AOPEP: variants seen among roughly 807,000 people sequenced by gnomAD.
AOPEP encodes the protein aminopeptidase O (putative).
In AOPEP, 77 loss-of-function variants were observed where a neutral mutation model predicts 98.1. The ratio of observed to expected loss-of-function variants is 0.78; its 90% confidence interval spans 0.65 to 0.95. The LOEUF is 0.95. Ranked by LOEUF, AOPEP falls within the 40% of genes least tolerant of loss-of-function variation. AOPEP has a pLI of 0.00. For synonymous variants in AOPEP, 346 were observed against 365.3 expected (o/e 0.95, Z 0.60); for missense variants, 1,024 against 1,024.7 (o/e 1.00, Z 0.01).
chr9:94,736,753 C>T (rs117648987), intron 1 of AOPEP, among the ~76,000 whole-genome samples: 22 of 150,502 alleles, frequency 1.5e-4, no homozygotes, highest in Admixed American at 2.6e-4. Flanking sequence ...GCCCACAGTG[C>T]GCAAAGCACT....
rs2062030050 is a variant in AOPEP, at chr9:95,006,477, T to C, written c.2115+861T>C. ...ATTTCTGTGCTATGTTGCCTTAGTA[T>C]GGGCATTGCAGCGTCCGAGAATGTG... On this transcript the variant is annotated intron_variant, in intron 13 of 16. Transcript: ENST00000375315. Among the ~76,000 whole-genome samples the C allele has an allele frequency of 2.6e-5, 4 of 152,182 alleles. No homozygotes were observed. In the South Asian group the frequency reaches 8.3e-4, roughly 31 times the overall value.
intron 13 of AOPEP, among the ~76,000 whole-genome samples, chr9:95,026,205 C>G (rs2133276658): frequency 6.6e-6 from 1 of 152,300 alleles, no homozygotes; most frequent in Non-Finnish European, 1.5e-5. Flanking sequence ...ATGTTTTTAA[C>G]AACTTTAAGG....
At chr9:94,872,749 T>G (rs1157070969) in intron 5 of AOPEP, among the ~76,000 whole-genome samples, 2 of 152,202 alleles carry the variant, frequency 1.3e-5, no homozygotes, top group African/African-American at 4.8e-5. Context: ...ATATTTCCTC[T>G]TCTCAAGTAG....
chr9:95,100,999 A>C, the AOPEP span: 1 of 233,486 alleles, frequency 4.3e-6, no homozygotes, highest in Non-Finnish European at 8.5e-6. Context: ...AACTGAATTA[A>C]TCCTGCCTTC....
chr9:95,086,602 C>T, intron 16 of AOPEP, 80 bp from the exon 17 acceptor site: 1 of 992,200 alleles, frequency 1.0e-6, no homozygotes, highest in South Asian at 4.6e-5. Context: ...AAGTGGAGAG[C>T]AAAGGCACAC....
At chr9:94,937,677 C>G (rs1348183200) in intron 7 of AOPEP, among the ~76,000 whole-genome samples, 1 of 152,162 alleles carries the variant, frequency 6.6e-6, no homozygotes, top group Non-Finnish European at 1.5e-5. Context: ...TATGACTCAT[C>G]ATTATGACTC....
chr9:95,080,470 C>A (rs538169123), intron 14 of AOPEP, among the ~76,000 whole-genome samples: 1 of 152,098 alleles, frequency 6.6e-6, no homozygotes, highest in Admixed American at 6.5e-5. Flanking sequence ...TGAGCCAGAT[C>A]GTGCCACTGC....
intron 1 of AOPEP, among the ~76,000 whole-genome samples, chr9:94,727,531 CAAT>C (rs2131584003): frequency 6.6e-6 from 1 of 152,138 alleles, no homozygotes; most frequent in South Asian, 2.1e-4. Flanking sequence ...AAAAAAACAA[CAAT>C]AAGGTTCATA....
intron 5 of AOPEP, among the ~76,000 whole-genome samples, chr9:94,827,246 A>G (rs1005373249): frequency 6.6e-6 from 1 of 152,166 alleles, no homozygotes; most frequent in African/African-American, 2.4e-5. Context: ...CATTCTAGGA[A>G]CCATGCCCTG....
downstream of AOPEP, among the ~76,000 whole-genome samples, chr9:95,090,589 G>C (rs987288606): frequency 1.3e-5 from 2 of 152,126 alleles, no homozygotes; most frequent in African/African-American, 2.4e-5. Flanking sequence ...CCCTGCACTT[G>C]GTCGCCTGCA....
chr9:95,033,081 C>T (rs2064460208), intron 13 of AOPEP, among the ~76,000 whole-genome samples: 1 of 152,166 alleles, frequency 6.6e-6, no homozygotes, highest in South Asian at 2.1e-4. Context: ...CCTACAGCTT[C>T]AGCCAGCGCA....
intron 10 of AOPEP, among the ~76,000 whole-genome samples, chr9:94,976,490 T>A (rs900712395): frequency 5.9e-5 from 9 of 152,194 alleles, no homozygotes; most frequent in African/African-American, 1.9e-4. Context: ...CTCGGACTTC[T>A]CTTCTCTGGG....
Position 94,978,619 on chromosome 9 carries a change from A to ATGAG in AOPEP, c.1917-747_1917-744dup, listed in dbSNP as rs2059992604. Among the ~76,000 whole-genome samples, 3 of 152,166 alleles carry ATGAG rather than the reference A, an allele frequency of 2.0e-5. No homozygotes were observed. In the South Asian group the frequency reaches 6.2e-4, roughly 32 times the overall value. ...CTCTCTGTAAGCAGAGATCCTGGGT[A>ATGAG]TGAGCAAGAGTTACCTGGAAGAGGT... On this transcript the variant is annotated intron_variant, in intron 10 of 16. Coordinates refer to ENST00000375315, the MANE Select transcript of AOPEP (RefSeq NM_001193329.3).
intron 13 of AOPEP, among the ~76,000 whole-genome samples, chr9:95,008,442 G>C (rs2062210431): frequency 6.6e-6 from 1 of 152,186 alleles, no homozygotes; most frequent in Non-Finnish European, 1.5e-5. Flanking sequence ...TGAGCAAGGA[G>C]CTACACGGTA....
At chr9:95,066,692 G>A (rs951644895) in intron 14 of AOPEP, among the ~76,000 whole-genome samples, 20 of 152,198 alleles carry the variant, frequency 1.3e-4, no homozygotes, top group Non-Finnish European at 2.6e-4. Context: ...TCCATAGGGC[G>A]CTCTCCAGTC....
chr9:94,955,839 G>C, intron 8 of AOPEP, 69 bp from the exon 9 acceptor site: 1 of 1,073,032 alleles, frequency 9.3e-7, no homozygotes, highest in Admixed American at 1.9e-5. Flanking sequence ...AGGTAGGGCT[G>C]ACTATATAAC....
At position 94,928,410 on chromosome 9, in the gene AOPEP, T is replaced by TCTGTGG; in HGVS notation, c.1555-11_1555-6dup. On this transcript the variant is annotated splice_polypyrimidine_tract_variant and intron_variant, in intron 6 of 16. Coordinates refer to ENST00000375315, the MANE Select transcript of AOPEP (RefSeq NM_001193329.3). ...TGTTTTGTGCATGTGTGTCTGTGTG[T>TCTGTGG]CTGTGGCTGAGCAGCTGGCCCCCTA... 6.5e-7 allele frequency: 1 copy of TCTGTGG among 1,537,298 alleles called. No homozygotes were observed. Among genetic ancestry groups the TCTGTGG allele is most frequent in the Middle Eastern group, 1.7e-4 (1 of 5,944 alleles).
At chr9:95,025,357 C>T (rs1385500153) in intron 13 of AOPEP, among the ~76,000 whole-genome samples, 1 of 152,230 alleles carries the variant, frequency 6.6e-6, no homozygotes, top group Non-Finnish European at 1.5e-5. Flanking sequence ...AGCCCACAGC[C>T]ACTGCAGACG....
At chr9:95,083,151 T>G in intron 16 of AOPEP, 1 of 177,070 alleles carries the variant, frequency 5.6e-6, no homozygotes. Context: ...AAAGCCTAGC[T>G]TCTGCAAGCA....
Sources: allele counts gnomAD v4.1 joint callset (sites outside exome capture counted in the v4.1 genomes callset), GRCh38; gene constraint gnomAD v4.1.1; transcripts MANE v1.5; gene names NCBI Gene and HGNC (gene_info 2026-07-23, HGNC 2026-07-21).